MAML2: variants seen among roughly 807,000 people sequenced by gnomAD.
The protein encoded by MAML2 is mastermind like transcriptional coactivator 2, also known as mastermind-like protein 2.
A neutral mutation model predicts 96.1 loss-of-function variants in MAML2; 22 were observed. The ratio of observed to expected loss-of-function variants is 0.23; its 90% CI spans 0.16 to 0.33. MAML2 has a LOEUF of 0.33. Ranked by LOEUF, MAML2 falls within the 10% of genes least tolerant of loss-of-function variation. The pLI is 1.00. For missense variants in MAML2, 1,367 were observed against 1,392.4 expected, an observed-to-expected ratio of 0.98 and a Z score of 0.29; for synonymous variants, 561 against 521.3, an observed-to-expected ratio of 1.08 and a Z score of -1.04.
At chr11:96,179,961 A>G (rs1467261731) in intron 1 of MAML2, among the ~76,000 whole-genome samples, 1 of 152,218 alleles carries the variant, frequency 6.6e-6, no homozygotes, top group Non-Finnish European at 1.5e-5. Flanking sequence ...CATCAATCAG[A>G]AAAGGATAGT....
chr11:96,219,536 C>T (rs950383833), intron 1 of MAML2, among the ~76,000 whole-genome samples: 1 of 152,208 alleles, frequency 6.6e-6, no homozygotes. Context: ...CAGCATGAGC[C>T]TAGGAGTCAG....
intron 1 of MAML2, among the ~76,000 whole-genome samples, chr11:96,312,402 G>A (rs1682500947): frequency 6.6e-6 from 1 of 152,018 alleles, no homozygotes; most frequent in South Asian, 2.1e-4. Flanking sequence ...TGTGTGAGAA[G>A]TGATTGTAAT....
chr11:96,007,373 A>G (rs1858199867), intron 2 of MAML2, among the ~76,000 whole-genome samples: 1 of 152,136 alleles, frequency 6.6e-6, no homozygotes, highest in Admixed American at 6.5e-5. Flanking sequence ...CTTTGGGTTC[A>G]CAGAATGACT....
intron 2 of MAML2, among the ~76,000 whole-genome samples, chr11:96,050,132 C>T (rs1057502037): frequency 2.6e-5 from 4 of 152,138 alleles, no homozygotes; most frequent in Admixed American, 6.5e-5. Context: ...AGATCCTTAC[C>T]GGTGTGGCTC....
At chr11:96,244,915 C>G (rs1463179764) in intron 1 of MAML2, among the ~76,000 whole-genome samples, 2 of 152,090 alleles carry the variant, frequency 1.3e-5, no homozygotes, top group Admixed American at 1.3e-4. Flanking sequence ...GCACAAAATA[C>G]TTAAAAAAAG....
chr11:96,092,639 C>A lies in MAML2; in HGVS notation c.1392G>T (p.Leu464Phe). ...CTGGTGATGGTCCAGCAGAAGAGGG[C>A]AAGGCTGACCAGTTGGTAGGCTGGT... ...QQHQPTNWSALPSSAGPSPGP... is the reference protein window; with the variant it reads ...QQHQPTNWSAFPSSAGPSPGP... The change falls in exon 2 of 5, where the codon TTG (leucine) becomes TTT (phenylalanine). Residue 464 changes from leucine to phenylalanine, a missense_variant. Transcript: ENST00000524717. This position sits in a 1 kb window ranked among gnomAD's most constrained non-coding sequence, Gnocchi z 4.1. The A allele has an allele frequency of 6.2e-7, 1 of 1,613,798 alleles. No homozygotes were observed.
intron 1 of MAML2, among the ~76,000 whole-genome samples, chr11:96,149,516 G>C (rs1860885296): frequency 6.6e-6 from 1 of 150,418 alleles, no homozygotes; most frequent in Admixed American, 6.6e-5. Flanking sequence ...TGGATCATTT[G>C]AGGTCAGGAG....
chr11:96,155,223 A>G (rs1860991049), intron 1 of MAML2, among the ~76,000 whole-genome samples: 1 of 152,018 alleles, frequency 6.6e-6, no homozygotes. Context: ...AATGCTCTAC[A>G]TTGGGCTCCC....
At chr11:96,008,826 C>G (rs1858226864) in intron 2 of MAML2, among the ~76,000 whole-genome samples, 1 of 152,144 alleles carries the variant, frequency 6.6e-6, no homozygotes, top group Non-Finnish European at 1.5e-5. Context: ...ATAAAATGAA[C>G]AGCTTGATTA....
At chr11:96,161,356 C>A (rs1861100553) in intron 1 of MAML2, among the ~76,000 whole-genome samples, 1 of 152,198 alleles carries the variant, frequency 6.6e-6, no homozygotes, top group South Asian at 2.1e-4. Context: ...TGTCTATTAC[C>A]TCATCTCATA....
intron 2 of MAML2, among the ~76,000 whole-genome samples, chr11:96,056,629 A>T (rs773640699): frequency 6.6e-6 from 1 of 152,222 alleles, no homozygotes; most frequent in African/African-American, 2.4e-5. Flanking sequence ...CATTTGAAGC[A>T]TGAGAATACT....
intron 1 of MAML2, among the ~76,000 whole-genome samples, chr11:96,330,282 A>G (rs1863835510): frequency 6.6e-6 from 1 of 152,208 alleles, no homozygotes; most frequent in African/African-American, 2.4e-5. Flanking sequence ...ACAAAGAGAA[A>G]GCAGGAAAAC....
chr11:96,096,979 T>C (rs896120111), intron 1 of MAML2, among the ~76,000 whole-genome samples: 1 of 149,804 alleles, frequency 6.7e-6, no homozygotes, highest in African/African-American at 2.5e-5. Context: ...GGCTGTGCCC[T>C]GCCTTCTAGA....
At chr11:96,140,061 A>C (rs983837859) in intron 1 of MAML2, among the ~76,000 whole-genome samples, 1 of 152,228 alleles carries the variant, frequency 6.6e-6, no homozygotes, top group African/African-American at 2.4e-5. Context: ...ATCATTGATG[A>C]TGTTTCACTT....
chr11:96,268,327 A>C (rs1192620482), intron 1 of MAML2, among the ~76,000 whole-genome samples: 1 of 152,006 alleles, frequency 6.6e-6, no homozygotes, highest in Non-Finnish European at 1.5e-5. Context: ...AATAAAATAA[A>C]AATTTCAAAA....
intron 1 of MAML2, among the ~76,000 whole-genome samples, chr11:96,228,994 C>A (rs1384549464): frequency 6.6e-6 from 1 of 151,298 alleles, no homozygotes; most frequent in African/African-American, 2.4e-5. Context: ...GCTCCCTAGT[C>A]TCTCACCTCC....
At chr11:96,106,125 T>G (rs193147165) in intron 1 of MAML2, among the ~76,000 whole-genome samples, 1 of 152,292 alleles carries the variant, frequency 6.6e-6, no homozygotes, top group East Asian at 1.9e-4. Context: ...TGAAGCAATG[T>G]CCTATAGCAA....
intron 1 of MAML2, among the ~76,000 whole-genome samples, chr11:96,258,632 C>A (rs963382015): frequency 2.0e-5 from 3 of 152,174 alleles, no homozygotes; most frequent in Admixed American, 1.3e-4. Flanking sequence ...AACATCAAAG[C>A]CCAAGAATAC....
chr11:96,091,300 G>C (rs1375742724), intron 2 of MAML2, among the ~76,000 whole-genome samples: 2 of 152,162 alleles, frequency 1.3e-5, no homozygotes, highest in Non-Finnish European at 2.9e-5. Flanking sequence ...TGAAATGGTA[G>C]TTTAAAAATC....
Sources: gnomAD v4.1 joint callset for allele counts (sites outside exome capture counted in the v4.1 genomes callset) on GRCh38, gnomAD v4.1.1 for gene constraint, Gnocchi (gnomAD v3.1) non-coding constraint, MANE v1.5 for transcripts, NCBI Gene and HGNC (gene_info 2026-07-23, HGNC 2026-07-21) for gene names.